EGF: variants seen among roughly 807,000 people sequenced by gnomAD.
EGF encodes pro-epidermal growth factor.
Under a neutral mutation model 143.8 loss-of-function variants are expected in EGF, and 95 were observed. The observed-to-expected ratio is 0.66, with a 90% CI of 0.56 to 0.78. The LOEUF (loss-of-function observed/expected upper bound fraction) is 0.78, where lower values mean the gene tolerates loss of function less well. Among genes scored for constraint, EGF ranks in the 30% least tolerant of loss-of-function variants. The pLI is 0.00. For missense variants in EGF, 1,320 were observed against 1,470.9 expected, an observed-to-expected ratio of 0.90 and a Z score of 1.68; for synonymous variants, 510 against 510.5, an observed-to-expected ratio of 1.00 and a Z score of 0.01.
intron 11 of EGF, 149 bp from the exon 12 acceptor site, chr4:109,974,554 G>C (rs185818226): frequency 1.6e-6 from 1 of 630,212 alleles, no homozygotes; most frequent in Admixed American, 2.4e-5. Flanking sequence ...GTGGGGGAGA[G>C]AGAAAGAGTA....
At chr4:109,916,318 A>G (rs1335348183) in intron 1 of EGF, among the ~76,000 whole-genome samples, 1 of 152,122 alleles carries the variant, frequency 6.6e-6, no homozygotes, top group African/African-American at 2.4e-5. Context: ...TTCTAACAGC[A>G]GTGAAACTAA....
At chr4:109,978,468 A>G (rs1422370870) in intron 13 of EGF, among the ~76,000 whole-genome samples, 2 of 152,236 alleles carry the variant, frequency 1.3e-5, no homozygotes, top group Admixed American at 6.5e-5. Flanking sequence ...CATTATGCCA[A>G]GTGAAATAAG....
At chr4:109,947,249 G>A (rs1399163428) in intron 5 of EGF, among the ~76,000 whole-genome samples, 1 of 152,140 alleles carries the variant, frequency 6.6e-6, no homozygotes, top group Non-Finnish European at 1.5e-5. Flanking sequence ...CATAAATGAT[G>A]TGACACTAAC....
chr4:109,913,155 A>C lies in EGF; in HGVS notation c.-181A>C. 1 of 637,954 alleles carries C rather than the reference A, an allele frequency of 1.6e-6. No homozygotes were observed. The highest frequency in any genetic ancestry group is 1.8e-5 in the South Asian group (1 of 54,698). The allele number at this position is 637,954 out of a possible 1,614,324, so 39.5% of individuals were successfully genotyped here. A position where few individuals can be genotyped will look rare whatever the true frequency, so the allele number is the denominator to read the frequency against. On this transcript the variant is annotated 5_prime_UTR_variant, in exon 1 of 24. Transcript: ENST00000265171. ...CTTCCCTTGGCAGGCTGCATTCAGA[A>C]GGTCTCTCAGTTGAAGAAAGAGCTT...
chr4:109,966,130 G>A (rs1746533287), intron 10 of EGF, among the ~76,000 whole-genome samples: 1 of 151,670 alleles, frequency 6.6e-6, no homozygotes, highest in Non-Finnish European at 1.5e-5. Context: ...GTGAAGTCTG[G>A]GCTTTTAATT....
intron 5 of EGF, among the ~76,000 whole-genome samples, chr4:109,946,874 T>A (rs1742949330): frequency 1.3e-5 from 2 of 152,182 alleles, no homozygotes; most frequent in South Asian, 4.1e-4. Flanking sequence ...ATCCCAGCAC[T>A]TTGGGAGGCC....
intron 13 of EGF, among the ~76,000 whole-genome samples, chr4:109,977,750 A>C (rs1216652684): frequency 6.6e-6 from 1 of 152,106 alleles, no homozygotes; most frequent in Non-Finnish European, 1.5e-5. Flanking sequence ...TGAGGTGAAA[A>C]GATCACTTGA....
At chr4:110,005,412 T>C (rs1251904816) in intron 22 of EGF, among the ~76,000 whole-genome samples, 2 of 152,148 alleles carry the variant, frequency 1.3e-5, no homozygotes, top group African/African-American at 4.8e-5. Context: ...CTCACACACA[T>C]TTCAACTCCC....
chr4:109,928,710 T>C (rs1378703182), intron 1 of EGF, among the ~76,000 whole-genome samples: 1 of 152,218 alleles, frequency 6.6e-6, no homozygotes, highest in African/African-American at 2.4e-5. Flanking sequence ...ATTTGTCGTG[T>C]GATGCTATAC....
intron 1 of EGF, among the ~76,000 whole-genome samples, chr4:109,939,388 C>T (rs920488060): frequency 7.9e-5 from 12 of 152,310 alleles, no homozygotes; most frequent in South Asian, 2.1e-4. Flanking sequence ...TTGCAAAGAC[C>T]GTGGGAAAAG....
In EGF at chr4:110,004,412, T is replaced by G. The variant is rs897594200; in HGVS notation, c.3174-93T>G. 1.1e-5 allele frequency: 11 copies of G among 1,031,950 alleles called. No individual in the cohort carries two copies. The Admixed American group carries it at 1.7e-4, about 16-fold the overall frequency. The allele number at this position is 1,031,950 out of a possible 1,614,324, so 63.9% of individuals were successfully genotyped here. A position where few individuals can be genotyped will look rare whatever the true frequency, so the allele number is the denominator to read the frequency against. ...TCCCACACAAGTACTTAAATTTTAG[T>G]AGCAAAAGCAGTTAGTTGTCCCTGA... is the stretch of plus-strand genomic sequence containing the variant. On this transcript the variant is annotated intron_variant, in intron 21 of 23. Transcript: ENST00000265171.
intron 21 of EGF, among the ~76,000 whole-genome samples, chr4:110,002,864 T>G (rs547744491): frequency 6.6e-6 from 1 of 152,220 alleles, no homozygotes; most frequent in African/African-American, 2.4e-5. Context: ...TTTCTTTGTG[T>G]TCCTGAGTTC....
chr4:109,939,246 G>A (rs1386123347), intron 1 of EGF, among the ~76,000 whole-genome samples: 2 of 152,182 alleles, frequency 1.3e-5, no homozygotes, highest in African/African-American at 2.4e-5. Flanking sequence ...CCTCAGCAAT[G>A]GTGGCATCCC....
intron 20 of EGF, among the ~76,000 whole-genome samples, chr4:109,997,041 A>G (rs1341158009): frequency 2.0e-5 from 3 of 151,968 alleles, no homozygotes; most frequent in African/African-American, 4.8e-5. Context: ...TTATTACTCA[A>G]ATTGGTTTCC....
At chr4:109,917,541 G>GT (rs1736896618) in intron 1 of EGF, among the ~76,000 whole-genome samples, 1 of 151,908 alleles carries the variant, frequency 6.6e-6, no homozygotes, top group South Asian at 2.1e-4. Context: ...AGGTGTACAT[G>GT]TGGAGGTTTG....
rs1487258052 is a variant in EGF at position 110,011,860 on chromosome 4, AT to A, written c.*408del. ...GTAATTTCTTTGATCTGGACAGAAC[AT>A]TTATATCAGTTTCATGAAATGATTG... On this transcript the variant is annotated 3_prime_UTR_variant, in exon 24 of 24. Transcript: ENST00000265171. The A allele has an allele frequency of 1.2e-5, 3 of 258,248 alleles. No homozygotes were observed. In the East Asian group the frequency reaches 2.9e-4, roughly 25 times the overall value. 16.0% of individuals were successfully genotyped at this position (258,248 alleles called of 1,614,324 possible).
intron 5 of EGF, among the ~76,000 whole-genome samples, chr4:109,951,388 A>G (rs1201571129): frequency 6.6e-6 from 1 of 151,804 alleles, no homozygotes; most frequent in Non-Finnish European, 1.5e-5. Flanking sequence ...AAACCAAGTG[A>G]AAAAAAATTC....
chr4:109,964,682 G>C (rs1746262737), intron 10 of EGF, 145 bp downstream of exon 10: 2 of 1,233,818 alleles, frequency 1.6e-6, no homozygotes, highest in East Asian at 2.4e-5. Context: ...ATAGATATTG[G>C]AGTAACACTT....
chr4:109,939,130 G>A (rs1396522598), intron 1 of EGF, among the ~76,000 whole-genome samples: 1 of 152,346 alleles, frequency 6.6e-6, no homozygotes, highest in East Asian at 1.9e-4. Context: ...CTCCAGAGGT[G>A]GAATCTAAAG....
Sources: allele counts gnomAD v4.1 joint callset (sites outside exome capture counted in the v4.1 genomes callset), GRCh38; gene constraint gnomAD v4.1.1; transcripts MANE v1.5; gene names NCBI Gene and HGNC (gene_info 2026-07-23, HGNC 2026-07-21).